Variants in PLEKHO1 observed in about 807,000 individuals in gnomAD.
PLEKHO1 encodes the protein pleckstrin homology domain-containing family O member 1.
PLEKHO1 carries 22 observed loss-of-function variants against 41.4 expected under a neutral mutation model. That is an observed-to-expected ratio of 0.53 (90% confidence interval 0.38 to 0.76). PLEKHO1 has a LOEUF of 0.76. PLEKHO1 is among the 30% of genes least tolerant of loss of function. PLEKHO1 has a pLI of 0.00. For missense variants in PLEKHO1, 488 were observed against 518.3 expected (o/e 0.94, Z 0.57); for synonymous variants, 225 against 210.8 (o/e 1.07, Z -0.58).
At position 150,150,915 on chromosome 1, in the gene PLEKHO1, C is replaced by G. The variant is rs782289064; in HGVS notation, c.34C>G (p.Pro12Ala). The change falls in exon 2 of 6, where the codon CCT (proline) becomes GCT (alanine). Residue 12 changes from proline to alanine, a missense_variant. Around this residue, in one of 3 missense-constraint regions of PLEKHO1, gnomAD observed 92 missense variants for 82.3 expected, o/e 1.12. Transcript: ENST00000369124. ...TTCTCATCTTGTCCTGGGGCAGGGA[C>G]CTCAGGATGGAAACCAGCAGCCTGC... The part of the protein sequence containing the change: ...MKKNNSAKRG[P>A]QDGNQQPAPP... The G allele has an allele frequency of 6.2e-7, 1 of 1,613,814 alleles. No individual in the cohort carries two copies. The highest frequency in any genetic ancestry group is 8.5e-7 in the Non-Finnish European group (1 of 1,179,704).
rs782557155 is a variant in PLEKHO1, at chr1:150,159,107, C to G, written c.814C>G (p.Leu272Val). Residue 272 changes from leucine (L) to valine (V), a missense_variant, in exon 6 of 6, where the codon CTG becomes GTG. Physicochemically the swap from Leu to Val is conservative, Grantham distance 32. Transcript: ENST00000369124. The stretch of plus-strand genomic sequence containing the variant: ...CACAGAGAAAGGCCGCTGCGCCTCC[C>G]TGGAGGAGATCCTATCTCAGCGGGA... ...TPTEKGRCAS[L>V]EEILSQRDAA... 6.2e-7 allele frequency: 1 copy of G among 1,613,446 alleles called. No homozygotes were observed. Among genetic ancestry groups the G allele is most frequent in the Non-Finnish European group, 8.5e-7 (1 of 1,179,822 alleles).
intron 4 of PLEKHO1, 99 bp downstream of exon 4, chr1:150,157,114 C>A: frequency 1.3e-6 from 1 of 794,024 alleles, no homozygotes. Flanking sequence ...CGTTTACTCG[C>A]TCCTCCACCA....
chr1:150,156,372 C>T (rs1189022101), intron 3 of PLEKHO1, among the ~76,000 whole-genome samples, 166 bp downstream of exon 3: 2 of 152,162 alleles, frequency 1.3e-5, no homozygotes, highest in East Asian at 3.9e-4. Context: ...TAGCCATTTC[C>T]TTCTTTCCAG....
intron 2 of PLEKHO1, among the ~76,000 whole-genome samples, chr1:150,151,438 C>T (rs1208909815): frequency 2.0e-5 from 3 of 152,182 alleles, no homozygotes; most frequent in African/African-American, 7.2e-5. Flanking sequence ...CTTCCTGTCC[C>T]CCCACCTTAA....
chr1:150,156,292 T>A, intron 3 of PLEKHO1, 86 bp downstream of exon 3: 1 of 1,163,096 alleles, frequency 8.6e-7, no homozygotes, highest in Non-Finnish European at 1.2e-6. Context: ...AGTTTCTCTC[T>A]CAGCAATCTT....
chr1:150,159,644 C>A lies in PLEKHO1; in HGVS notation c.*121C>A. On this transcript the variant is annotated 3_prime_UTR_variant, in exon 6 of 6. Transcript: ENST00000369124. Reference sequence around the variant, plus strand: ...AACAAAAATGAACTCATTGCTCTTGCTGATGCCTGACCCCACTACAACCCT... The same window carrying A: ...AACAAAAATGAACTCATTGCTCTTGATGATGCCTGACCCCACTACAACCCT... The A allele has an allele frequency of 1.5e-6, 1 of 683,592 alleles. No individual in the cohort carries two copies. The highest frequency in any genetic ancestry group is 2.5e-6 in the Non-Finnish European group (1 of 405,854). The allele number at this position is 683,592 out of a possible 1,614,324, so 42.3% of individuals were successfully genotyped here.
chr1:150,155,109 G>C (rs1660112034), intron 2 of PLEKHO1: 1 of 152,284 alleles, frequency 6.6e-6, no homozygotes, highest in South Asian at 2.1e-4. Context: ...GAGACGTTCA[G>C]CAGGAGTGCT....
Position 150,159,020 on chromosome 1 carries a change from C to A in PLEKHO1, c.727C>A (p.Pro243Thr). ...SADRASSLSR[P>T]WEKTDKGATY... ...AGACCGGGCAAGCAGTCTCTCCCGA[C>A]CTTGGGAAAAAACAGACAAAGGGGC... is the stretch of plus-strand genomic sequence containing the variant. The change falls in exon 6 of 6, where the codon CCT (proline) becomes ACT (threonine). Residue 243 changes from proline (P) to threonine (T), a missense_variant. This residue lies in a region of PLEKHO1 where 337 missense variants were observed against 324.6 expected (regional missense o/e 1.04). Transcript: ENST00000369124. 1 of 1,614,100 alleles carries A rather than the reference C, an allele frequency of 6.2e-7. No individual in the cohort carries two copies. Among genetic ancestry groups the A allele is most frequent in the Non-Finnish European group, 8.5e-7 (1 of 1,179,982 alleles).
At position 150,159,631 on chromosome 1, in the gene PLEKHO1, C is replaced by A; in HGVS notation, c.*108C>A. On this transcript the variant is annotated 3_prime_UTR_variant, in exon 6 of 6. Transcript: ENST00000369124. ...ATCAAAAAAAGAAAACAAAAATGAA[C>A]TCATTGCTCTTGCTGATGCCTGACC... is the stretch of plus-strand genomic sequence containing the variant. 1 of 755,000 alleles carries A rather than the reference C, an allele frequency of 1.3e-6. No homozygotes were observed. The allele number at this position is 755,000 out of a possible 1,614,324, so 46.8% of individuals were successfully genotyped here. A position where few individuals can be genotyped will look rare whatever the true frequency, so the allele number is the denominator to read the frequency against.
rs782043145 is a variant in PLEKHO1 at position 150,150,276 on chromosome 1, T to C, written c.19T>C (p.Ser7Pro). The change falls in exon 1 of 6, where the codon TCC becomes CCC. Residue 7 changes from serine to proline, a missense_variant. Ser to Pro is a moderately conservative substitution (Grantham distance 74). Transcript: ENST00000369124. MMKKNNSAKRGPQDGNQ... is the reference protein window; with the variant it reads MMKKNNPAKRGPQDGNQ... ...GCTGGGAATGATGAAGAAGAACAAT[T>C]CCGCCAAGCGGGTGAGTGCGCTTGC... 4.5e-6 allele frequency: 5 copies of C among 1,119,350 alleles called. No individual in the cohort carries two copies. Among genetic ancestry groups the C allele is most frequent in the Admixed American group, 3.5e-5 (1 of 28,918 alleles). The allele number at this position is 1,119,350 out of a possible 1,614,324, so 69.3% of individuals were successfully genotyped here.
At chr1:150,154,609 G>T (rs1436841018) in intron 2 of PLEKHO1, 4 of 152,254 alleles carry the variant, frequency 2.6e-5, no homozygotes, top group Non-Finnish European at 5.9e-5. Context: ...GAACCAGGAG[G>T]ATAGATGAGT....
At position 150,150,935 on chromosome 1, in the gene PLEKHO1, G is replaced by T. The variant is rs782352090; in HGVS notation, c.54G>T (p.Gln18His). 8 of 1,614,140 alleles carry T rather than the reference G, an allele frequency of 5.0e-6. No homozygotes were observed. The highest frequency in any genetic ancestry group is 1.6e-4 in the Middle Eastern group (1 of 6,062). Residue 18 changes from glutamine to histidine, a missense_variant, in exon 2 of 6, where the codon CAG becomes CAT. Physicochemically the swap from Gln to His is conservative, Grantham distance 24 (BLOSUM62 0). Transcript: ENST00000369124. Reference protein sequence around the residue: ...AKRGPQDGNQQPAPPEKVGWV... With the variant: ...AKRGPQDGNQHPAPPEKVGWV... ...AGGGACCTCAGGATGGAAACCAGCA[G>T]CCTGCACCGCCCGAGAAGGTCGGCT... is the stretch of plus-strand genomic sequence containing the variant.
chr1:150,152,775 G>A (rs1466076137), intron 2 of PLEKHO1: 1 of 147,662 alleles, frequency 6.8e-6, no homozygotes, highest in African/African-American at 2.5e-5. Context: ...CTCTAGTTAC[G>A]AATCAGGGAG....
chr1:150,150,845 G>C, intron 1 of PLEKHO1, 67 bp from the exon 2 acceptor site: 1 of 1,482,282 alleles, frequency 6.7e-7, no homozygotes, highest in Non-Finnish European at 9.4e-7. Flanking sequence ...GGTCGTGAGA[G>C]ACGGACGGAG....
chr1:150,152,683 T>TACTTAACA (rs1659989688), intron 2 of PLEKHO1: 1 of 115,882 alleles, frequency 8.6e-6, no homozygotes, highest in Non-Finnish European at 1.7e-5. Context: ...TCTGGCTTTC[T>TACTTAACA]AAATTAAAAA....
rs1157300398 is a variant in PLEKHO1, at chr1:150,159,666, C to A, written c.*143C>A. 3 of 594,364 alleles carry A rather than the reference C, an allele frequency of 5.0e-6. No individual in the cohort carries two copies. The highest frequency in any genetic ancestry group is 1.9e-5 in the African/African-American group (1 of 53,844). The allele number at this position is 594,364 out of a possible 1,614,324, so 36.8% of individuals were successfully genotyped here. A position where few individuals can be genotyped will look rare whatever the true frequency, so the allele number is the denominator to read the frequency against. On this transcript the variant is annotated 3_prime_UTR_variant, in exon 6 of 6. Coordinates refer to ENST00000369124, the MANE Select transcript of PLEKHO1 (RefSeq NM_016274.6). Reference sequence around the variant, plus strand: ...TTGCTGATGCCTGACCCCACTACAACCCTTATTGCCCCACCTACTTTCCAT... The same window carrying A: ...TTGCTGATGCCTGACCCCACTACAAACCTTATTGCCCCACCTACTTTCCAT...
At chr1:150,150,416 T>A in intron 1 of PLEKHO1, 129 bp downstream of exon 1, 1 of 286,360 alleles carries the variant, frequency 3.5e-6, no homozygotes, top group Non-Finnish European at 5.2e-6. Context: ...CCCGGTCCCC[T>A]CGGCCTCGGC....
chr1:150,156,505 C>T (rs61807310), intron 3 of PLEKHO1, among the ~76,000 whole-genome samples: 1 of 152,212 alleles, frequency 6.6e-6, no homozygotes, highest in Non-Finnish European at 1.5e-5. Context: ...AAGAAAATCC[C>T]TGTCCTTGTA....
intron 2 of PLEKHO1, chr1:150,155,546 T>G (rs1329563542): frequency 6.6e-6 from 1 of 151,724 alleles, no homozygotes; most frequent in African/African-American, 2.4e-5. Flanking sequence ...GGAAGCGAGG[T>G]GGGGTGGGAG....
Sources: gnomAD v4.1 joint callset for allele counts (sites outside exome capture counted in the v4.1 genomes callset) on GRCh38, gnomAD v4.1.1 for gene constraint, gnomAD v4.1.1 regional missense constraint, MANE v1.5 for transcripts, NCBI Gene and HGNC (gene_info 2026-07-23, HGNC 2026-07-21) for gene names.